SERPINB5: variants seen among roughly 807,000 people sequenced by gnomAD.
SERPINB5 encodes the protein serpin family B member 5, also known as serpin B5.
A neutral mutation model predicts 32.2 loss-of-function variants in SERPINB5; 27 were observed. The ratio of observed to expected loss-of-function variants is 0.84; its 90% CI spans 0.62 to 1.16. The LOEUF is 1.16. Ranked by LOEUF, SERPINB5 falls within the 50% of genes most tolerant of loss-of-function variation. The pLI is 0.00. For missense variants in SERPINB5, 388 were observed against 436.3 expected, an observed-to-expected ratio of 0.89 and a Z score of 0.99; for synonymous variants, 154 against 157.4, an observed-to-expected ratio of 0.98 and a Z score of 0.16.
chr18:63,484,698 T>G, intron 2 of SERPINB5, 102 bp downstream of exon 2: 2 of 1,017,816 alleles, frequency 2.0e-6, no homozygotes, highest in Non-Finnish European at 2.8e-6. Context: ...GTGGCCAGAA[T>G]TGGTCAAGAT....
chr18:63,489,278 T>C lies in SERPINB5; in HGVS notation c.307-69T>C, dbSNP rs1917261570. Reference sequence around the variant, plus strand: ...AGCAGTTGATATTTAATAATCCTTTTGTTAGAAGAGAATAACAATGCAATA... The same window carrying C: ...AGCAGTTGATATTTAATAATCCTTTCGTTAGAAGAGAATAACAATGCAATA... On this transcript the variant is annotated intron_variant, in intron 3 of 6. Transcript: ENST00000382771. 6 of 869,066 alleles carry C rather than the reference T, an allele frequency of 6.9e-6. No homozygotes were observed. In the South Asian group the frequency reaches 1.0e-4, roughly 14 times the overall value. 53.8% of individuals were successfully genotyped at this position (869,066 alleles called of 1,614,324 possible). A position where few individuals can be genotyped will look rare whatever the true frequency, so the allele number is the denominator to read the frequency against.
chr18:63,496,193 T>C (rs1229936578), intron 5 of SERPINB5, among the ~76,000 whole-genome samples: 1 of 152,204 alleles, frequency 6.6e-6, no homozygotes, highest in Admixed American at 6.5e-5. Context: ...TAAGTGAAAT[T>C]GATGACAGTT....
chr18:63,501,404 T>C (rs1407386936), intron 6 of SERPINB5, among the ~76,000 whole-genome samples: 3 of 152,190 alleles, frequency 2.0e-5, no homozygotes, highest in South Asian at 2.1e-4. Flanking sequence ...TAGTATTCCA[T>C]GGTGTATATG....
chr18:63,499,385 C>A, intron 6 of SERPINB5, 98 bp downstream of exon 6: 1 of 1,097,930 alleles, frequency 9.1e-7, no homozygotes, highest in East Asian at 3.0e-5. Flanking sequence ...GGGCCGGTAG[C>A]CCTCCCTTAT....
At chr18:63,484,319 A>C (rs375948197) in intron 1 of SERPINB5, 103 bp from the exon 2 acceptor site, 1 of 1,115,096 alleles carries the variant, frequency 9.0e-7, no homozygotes. Context: ...TTCTGAGATC[A>C]ATTACTTTGT....
rs374028371 is a variant in SERPINB5 at position 63,489,695 on chromosome 18, T to C, written c.424+231T>C. On this transcript the variant is annotated intron_variant, in intron 4 of 6. Transcript: ENST00000382771. The stretch of plus-strand genomic sequence containing the variant: ...TTGATGCTTCAGTGTTAGTTTACTT[T>C]GTCTTGCTCTCTGACGAGCTGTCAC... 2.0e-5 allele frequency among the ~76,000 whole-genome samples: 3 copies of C among 152,342 alleles called. No individual in the cohort carries two copies. The East Asian group carries it at 5.8e-4, about 29-fold the overall frequency.
chr18:63,504,087 C>T lies in SERPINB5; in HGVS notation c.*365C>T. The T allele has an allele frequency of 4.2e-6, 1 of 238,842 alleles. No individual in the cohort carries two copies. Among genetic ancestry groups the T allele is most frequent in the South Asian group, 6.1e-5 (1 of 16,516 alleles). The allele number at this position is 238,842 out of a possible 1,614,324, so 14.8% of individuals were successfully genotyped here. On this transcript the variant is annotated 3_prime_UTR_variant, in exon 7 of 7. Transcript: ENST00000382771. The stretch of plus-strand genomic sequence containing the variant: ...GGAAGCTCTTCTTCCCAGCACTATG[C>T]TTTCCTTCTTTGGGATAGAGAATGT...
intron 1 of SERPINB5, among the ~76,000 whole-genome samples, chr18:63,482,955 T>C (rs1424496771): frequency 6.6e-6 from 1 of 152,084 alleles, no homozygotes; most frequent in African/African-American, 2.4e-5. Context: ...TTTGGCTTAA[T>C]AGAAGGGATG....
At chr18:63,497,138 G>A (rs12954392) in intron 5 of SERPINB5, 67,597 of 634,910 alleles carry the variant, frequency 0.11, 4,231 homozygotes, top group Non-Finnish European at 0.13. Context: ...TTTAGGTGTG[G>A]CCAGACAGGA....
chr18:63,490,299 T>C (rs1909299390), intron 4 of SERPINB5, among the ~76,000 whole-genome samples: 1 of 152,084 alleles, frequency 6.6e-6, no homozygotes, highest in South Asian at 2.1e-4. Context: ...AAGAAGCTCC[T>C]AGGTTCTTTC....
At chr18:63,482,719 C>A (rs1204538243) in intron 1 of SERPINB5, among the ~76,000 whole-genome samples, 2 of 151,746 alleles carry the variant, frequency 1.3e-5, no homozygotes, top group Non-Finnish European at 2.9e-5. Context: ...CCGAGGACCC[C>A]AAAGAACTGT....
Position 63,498,841 on chromosome 18 carries a change from T to C in SERPINB5, c.568-279T>C, listed in dbSNP as rs1270679590. On this transcript the variant is annotated intron_variant, in intron 5 of 6. Coordinates refer to ENST00000382771, the MANE Select transcript of SERPINB5 (RefSeq NM_002639.5). This position sits in a 1 kb window ranked among gnomAD's most constrained non-coding sequence, Gnocchi z 4.2. ...TATATATGTATGGGGTATATATATA[T>C]AGTATGTATATATAAGTGTGTATAT... Among the ~76,000 whole-genome samples the C allele has an allele frequency of 7.5e-6, 1 of 133,674 alleles. No individual in the cohort carries two copies. Among genetic ancestry groups the C allele is most frequent in the Non-Finnish European group, 1.7e-5 (1 of 60,294 alleles). The allele number at this position is 133,674 out of a possible 152,430, so 87.7% of individuals were successfully genotyped here.
chr18:63,498,218 A>C lies in SERPINB5; in HGVS notation c.568-902A>C, dbSNP rs1909490763. Among the ~76,000 whole-genome samples, 1 of 152,072 alleles carries C rather than the reference A, an allele frequency of 6.6e-6. No homozygotes were observed. Among genetic ancestry groups the C allele is most frequent in the African/African-American group, 2.4e-5 (1 of 41,414 alleles). On this transcript the variant is annotated intron_variant, in intron 5 of 6. Transcript: ENST00000382771. This position sits in a 1 kb window ranked among gnomAD's most constrained non-coding sequence, Gnocchi z 4.2. ...AATTCTCCTCCCTCAGTTTCCCAAGAAGCTGAGATTACAGGCGTGTGCCAC... is the reference window on the plus strand; with the variant it reads ...AATTCTCCTCCCTCAGTTTCCCAAGCAGCTGAGATTACAGGCGTGTGCCAC...
intron 1 of SERPINB5, among the ~76,000 whole-genome samples, chr18:63,482,864 A>G (rs1917146572): frequency 1.3e-5 from 2 of 150,682 alleles, no homozygotes; most frequent in Non-Finnish European, 3.0e-5. Context: ...AATAATATAT[A>G]TATTAAAAAA....
chr18:63,477,252 AG>A lies in SERPINB5; in HGVS notation c.-8+209del, dbSNP rs1406553187. ...TCCAGCTCCCAACCCTTTGAGCACCAGGAACACTGCAGAGGGAGTAAAATCA... is the reference window on the plus strand; with the variant it reads ...TCCAGCTCCCAACCCTTTGAGCACCAGAACACTGCAGAGGGAGTAAAATCA... On this transcript the variant is annotated intron_variant, in intron 1 of 6. Coordinates refer to ENST00000382771, the MANE Select transcript of SERPINB5 (RefSeq NM_002639.5). 5 of 152,176 alleles carry A rather than the reference AG, an allele frequency of 3.3e-5. No individual in the cohort carries two copies. The East Asian group carries it at 9.6e-4, about 29-fold the overall frequency. 9.4% of individuals were successfully genotyped at this position (152,176 alleles called of 1,614,324 possible).
At chr18:63,494,297 G>C (rs1909403509) in intron 5 of SERPINB5, among the ~76,000 whole-genome samples, 1 of 146,914 alleles carries the variant, frequency 6.8e-6, no homozygotes, top group Non-Finnish European at 1.5e-5. Flanking sequence ...ACTCCAGCCT[G>C]GGTGACAAAG....
At chr18:63,497,497 C>G in intron 5 of SERPINB5, 1 of 191,486 alleles carries the variant, frequency 5.2e-6, no homozygotes. Flanking sequence ...CACAACGTTT[C>G]TGAAAAAAAA....
At chr18:63,484,975 G>T (rs1046956094) in intron 2 of SERPINB5, among the ~76,000 whole-genome samples, 3 of 151,940 alleles carry the variant, frequency 2.0e-5, no homozygotes, top group Non-Finnish European at 2.9e-5. Context: ...CCTGACTTCA[G>T]GTGATCCGCC....
At chr18:63,482,294 A>G (rs1184519179) in intron 1 of SERPINB5, among the ~76,000 whole-genome samples, 1 of 152,134 alleles carries the variant, frequency 6.6e-6, no homozygotes, top group Non-Finnish European at 1.5e-5. Flanking sequence ...TTGACTCTTG[A>G]CACACGTTTG....
Sources: gnomAD v4.1 joint callset for allele counts (sites outside exome capture counted in the v4.1 genomes callset) on GRCh38, gnomAD v4.1.1 for gene constraint, Gnocchi (gnomAD v3.1) non-coding constraint, MANE v1.5 for transcripts, NCBI Gene and HGNC (gene_info 2026-07-23, HGNC 2026-07-21) for gene names.